ELMO1: variants seen among roughly 807,000 people sequenced by gnomAD.
ELMO1 encodes engulfment and cell motility protein 1.
In ELMO1, 26 loss-of-function variants were observed where a neutral mutation model predicts 98.9. The observed-to-expected ratio is 0.26, with a 90% CI of 0.19 to 0.36. The LOEUF (loss-of-function observed/expected upper bound fraction) is 0.36, where lower values mean the gene tolerates loss of function less well. ELMO1 is among the 10% of genes least tolerant of loss of function. The pLI is 1.00. For synonymous variants in ELMO1, 346 were observed against 346.0 expected (o/e 1.00, Z 0.00); for missense variants, 627 against 935.2 (o/e 0.67, Z 4.30).
chr7:37,052,831 C>A (rs114074004), intron 15 of ELMO1, among the ~76,000 whole-genome samples: 203 of 152,292 alleles, frequency 1.3e-3, no homozygotes, highest in African/African-American at 4.6e-3. Flanking sequence ...TGGGAGGAAG[C>A]CCAAAGGCCC....
chr7:37,080,582 C>A (rs149813811), intron 15 of ELMO1, among the ~76,000 whole-genome samples: 4 of 149,220 alleles, frequency 2.7e-5, no homozygotes, highest in African/African-American at 9.9e-5. Context: ...GGACTACAGG[C>A]GCCTGCCACC....
At chr7:36,866,316 T>C (rs1803029561) in intron 20 of ELMO1, among the ~76,000 whole-genome samples, 1 of 152,232 alleles carries the variant, frequency 6.6e-6, no homozygotes, top group Non-Finnish European at 1.5e-5. Context: ...TTCTGATCCC[T>C]GTGTGAAGAA....
At chr7:37,166,287 C>T (rs1249753974) in intron 13 of ELMO1, among the ~76,000 whole-genome samples, 1 of 152,212 alleles carries the variant, frequency 6.6e-6, no homozygotes, top group Non-Finnish European at 1.5e-5. Flanking sequence ...TTCAAAAAAG[C>T]AGCTCCTGGA....
intron 14 of ELMO1, among the ~76,000 whole-genome samples, chr7:37,119,676 T>C (rs528306961): frequency 2.2e-4 from 33 of 152,360 alleles, no homozygotes; most frequent in African/African-American, 7.2e-4. Context: ...TCTTTACTCA[T>C]AGACTTATTT....
intron 13 of ELMO1, among the ~76,000 whole-genome samples, chr7:37,205,280 G>T (rs1171374396): frequency 2.0e-5 from 3 of 152,146 alleles, no homozygotes; most frequent in African/African-American, 7.2e-5. Context: ...CTGAACCATT[G>T]CTCCTAGGAA....
intron 13 of ELMO1, among the ~76,000 whole-genome samples, chr7:37,185,342 TCA>T (rs1441654705): frequency 1.3e-5 from 2 of 152,234 alleles, no homozygotes; most frequent in Admixed American, 1.3e-4. Flanking sequence ...TTAATATTAC[TCA>T]TTCTTTCCAT....
chr7:37,175,066 T>C (rs1790426388), intron 13 of ELMO1, among the ~76,000 whole-genome samples: 2 of 149,262 alleles, frequency 1.3e-5, no homozygotes, highest in African/African-American at 4.9e-5. Flanking sequence ...AAAGGTGATA[T>C]AGAAAAAAGG....
At chr7:37,155,494 A>ATAAAAAAAT (rs760943465) in intron 13 of ELMO1, among the ~76,000 whole-genome samples, 20 of 140,664 alleles carry the variant, frequency 1.4e-4, no homozygotes, top group Admixed American at 3.6e-4. Flanking sequence ...AAGCAAAAAA[A>ATAAAAAAAT]AAAAAAAAAA....
At chr7:37,443,061 C>T (rs1362320227) in intron 1 of ELMO1, among the ~76,000 whole-genome samples, 1 of 152,194 alleles carries the variant, frequency 6.6e-6, no homozygotes, top group African/African-American at 2.4e-5. Flanking sequence ...TCCAAAACAG[C>T]ATCCCCAGAG....
intron 16 of ELMO1, among the ~76,000 whole-genome samples, chr7:36,977,800 A>G (rs1790684602): frequency 1.3e-5 from 2 of 152,282 alleles, no homozygotes; most frequent in South Asian, 2.1e-4. Context: ...CAACTCTTAC[A>G]AGGGCCCAGT....
In ELMO1 at chr7:37,119,123, CAGCTT is replaced by C. The variant is rs543344338; in HGVS notation, c.1191+14002_1191+14006del. On this transcript the variant is annotated intron_variant, in intron 14 of 21. Transcript: ENST00000310758. ...GGTGCAAGAAATAAATGAAAATACT[CAGCTT>C]AGTTGTTCTAGTGAGCTCCAAACAT... 2.8e-3 allele frequency among the ~76,000 whole-genome samples: 420 copies of C among 152,284 alleles called. 4 individuals carry two copies. The highest frequency in any genetic ancestry group is 5.1e-3 in the Non-Finnish European group (349 of 68,028).
rs762928031 is a variant in ELMO1 at position 36,870,452 on chromosome 7, C to T, written c.1846G>A (p.Val616Met). Residue 616 changes from valine (V) to methionine (M), a missense_variant, in exon 20 of 22, where the codon GTG becomes ATG. Physicochemically the swap from Val to Met is conservative, Grantham distance 21 (BLOSUM62 1). Around this residue, in one of 3 missense-constraint regions of ELMO1, gnomAD observed 492 missense variants for 715.6 expected, o/e 0.69. Coordinates refer to ENST00000310758, the MANE Select transcript of ELMO1 (RefSeq NM_014800.11). This position sits in a 1 kb window ranked among gnomAD's most constrained non-coding sequence, Gnocchi z 4.4. The part of the protein sequence containing the change: ...DKLPVADIKA[V>M]VTGKDCPHMK... ...TGAGGGCAGTCCTTTCCCGTCACCA[C>T]GGCTTTGATATCTGCCACCGGCACT... 56 of 1,613,894 alleles carry T rather than the reference C, an allele frequency of 3.5e-5. No homozygotes were observed. Among genetic ancestry groups the T allele is most frequent in the South Asian group, 3.4e-4 (31 of 91,066 alleles).
chr7:37,247,153 A>G (rs1795057582), intron 6 of ELMO1, among the ~76,000 whole-genome samples: 1 of 152,240 alleles, frequency 6.6e-6, no homozygotes, highest in Non-Finnish European at 1.5e-5. Context: ...TTATTGGAGA[A>G]TCATAGAATT....
intron 14 of ELMO1, among the ~76,000 whole-genome samples, chr7:37,125,030 T>A (rs1197166671): frequency 6.6e-6 from 1 of 152,122 alleles, no homozygotes; most frequent in Non-Finnish European, 1.5e-5. Context: ...AAACAAGAAA[T>A]GGGGAAAGGA....
chr7:36,875,465 T>C (rs1387879015), intron 19 of ELMO1, among the ~76,000 whole-genome samples: 1 of 152,224 alleles, frequency 6.6e-6, no homozygotes, highest in African/African-American at 2.4e-5. Context: ...AAGTATGCAT[T>C]GTTAGTTCAT....
At position 37,316,021 on chromosome 7, in the gene ELMO1, AAAG is replaced by A. The variant is rs561819057; in HGVS notation, c.79-64_79-62del. 1.8e-3 allele frequency: 2,363 copies of A among 1,299,970 alleles called. 4 individuals carry two copies. The highest frequency in any genetic ancestry group is 2.3e-3 in the Non-Finnish European group (2,179 of 928,078). 80.5% of individuals were successfully genotyped at this position (1,299,970 alleles called of 1,614,324 possible). A position where few individuals can be genotyped will look rare whatever the true frequency, so the allele number is the denominator to read the frequency against. On this transcript the variant is annotated intron_variant, in intron 2 of 21. Transcript: ENST00000310758. The stretch of plus-strand genomic sequence containing the variant: ...TCGTTTCATCATTTTAAATTAAAAA[AAAG>A]AAGAAGCTTCATAAAAAGATTATCT...
chr7:37,259,389 G>A (rs868038193), intron 5 of ELMO1, 39 bp from the exon 6 acceptor site: 6 of 1,594,742 alleles, frequency 3.8e-6, no homozygotes, highest in Non-Finnish European at 5.1e-6. Flanking sequence ...GTTGACAAAC[G>A]AAACCACAAC....
intron 16 of ELMO1, among the ~76,000 whole-genome samples, chr7:37,012,056 C>T (rs1156874157): frequency 6.6e-6 from 1 of 152,188 alleles, no homozygotes; most frequent in Non-Finnish European, 1.5e-5. Flanking sequence ...GTGCTCTCCA[C>T]AGAAGGGCAT....
chr7:37,092,367 T>C (rs13245417), intron 15 of ELMO1, among the ~76,000 whole-genome samples: 2 of 70,092 alleles, frequency 2.9e-5, no homozygotes, highest in South Asian at 5.1e-4. Context: ...ACCCATATTC[T>C]TTTTTTTTTT....
Sources: gnomAD v4.1 joint callset for allele counts (sites outside exome capture counted in the v4.1 genomes callset) on GRCh38, gnomAD v4.1.1 for gene constraint, gnomAD v4.1.1 regional missense constraint, Gnocchi (gnomAD v3.1) non-coding constraint, MANE v1.5 for transcripts, NCBI Gene and HGNC (gene_info 2026-07-23, HGNC 2026-07-21) for gene names.